ACAD11: variants seen among roughly 807,000 people sequenced by gnomAD.
ACAD11 encodes acyl-Coenzyme A dehydrogenase family, member 11.
A neutral mutation model predicts 102.2 loss-of-function variants in ACAD11; 83 were observed. The ratio of observed to expected loss-of-function variants is 0.81; its 90% CI spans 0.68 to 0.97. The LOEUF (loss-of-function observed/expected upper bound fraction) is 0.97, where lower values mean the gene tolerates loss of function less well. ACAD11 is among the 50% of genes least tolerant of loss of function. The pLI is 0.00. For synonymous variants in ACAD11, 324 were observed against 319.8 expected, an observed-to-expected ratio of 1.01 and a Z score of -0.14; for missense variants, 901 against 951.7, an observed-to-expected ratio of 0.95 and a Z score of 0.70.
chr3:132,582,256 T>A (rs1182412538), intron 13 of ACAD11, among the ~76,000 whole-genome samples: 1 of 151,572 alleles, frequency 6.6e-6, no homozygotes, highest in Non-Finnish European at 1.5e-5. Context: ...ATGGATACTG[T>A]CTAAAATGAA....
At chr3:132,601,071 G>T (rs751778014) in intron 13 of ACAD11, 1 of 1,613,814 alleles carries the variant, frequency 6.2e-7, no homozygotes, top group African/African-American at 1.3e-5. Context: ...ATCACAGCAA[G>T]GACACTCATG....
intron 2 of ACAD11, among the ~76,000 whole-genome samples, chr3:132,644,243 C>G (rs1394749221): frequency 6.6e-6 from 1 of 152,094 alleles, no homozygotes; most frequent in African/African-American, 2.4e-5. Context: ...ATTTCTGTCC[C>G]CTCCTGTTCT....
chr3:132,622,529 T>G (rs996731508), intron 9 of ACAD11, among the ~76,000 whole-genome samples: 1 of 152,184 alleles, frequency 6.6e-6, no homozygotes, highest in Non-Finnish European at 1.5e-5. Flanking sequence ...GAAATTAAAT[T>G]ATGCCAGTGT....
In ACAD11 at chr3:132,659,809, T is replaced by C; in HGVS notation, c.-58A>G. 1 of 1,527,762 alleles carries C rather than the reference T, an allele frequency of 6.5e-7. No homozygotes were observed. The highest frequency in any genetic ancestry group is 8.8e-7 in the Non-Finnish European group (1 of 1,139,328). The allele number at this position is 1,527,762 out of a possible 1,614,324, so 94.6% of individuals were successfully genotyped here. ...CCACAGGTCTCGAGTGCCGAAGTCC[T>C]TCAGGATTGGGGCAACGTCCCCTCT... On this transcript the variant is annotated 5_prime_UTR_variant, in exon 1 of 20. Coordinates refer to ENST00000264990, the MANE Select transcript of ACAD11 (RefSeq NM_032169.5).
At chr3:132,603,458 G>A in intron 12 of ACAD11, 131 bp from the exon 13 acceptor site, 1 of 704,172 alleles carries the variant, frequency 1.4e-6, no homozygotes, top group Non-Finnish European at 2.4e-6. Context: ...ATTCCACCCT[G>A]CTTTTCCCAT....
At position 132,641,964 on chromosome 3, in the gene ACAD11, T is replaced by A; in HGVS notation, c.537+8A>T. ...TGAAAAAAATAGCTATTAATGTGGA[T>A]GCATTACCTGTCTTTTGCAGTACCC... On this transcript the variant is annotated splice_region_variant and intron_variant, in intron 4 of 19. Transcript: ENST00000264990. The A allele has an allele frequency of 6.3e-7, 1 of 1,593,190 alleles. No individual in the cohort carries two copies. Among genetic ancestry groups the A allele is most frequent in the Non-Finnish European group, 8.6e-7 (1 of 1,167,368 alleles).
At chr3:132,636,159 G>C (rs1940267617) in intron 5 of ACAD11, among the ~76,000 whole-genome samples, 2 of 152,112 alleles carry the variant, frequency 1.3e-5, no homozygotes, top group Non-Finnish European at 2.9e-5. Context: ...GCATAAATTA[G>C]TGCAAATTAA....
At chr3:132,632,178 G>T (rs1940071360) in intron 5 of ACAD11, among the ~76,000 whole-genome samples, 1 of 151,610 alleles carries the variant, frequency 6.6e-6, no homozygotes, top group Non-Finnish European at 1.5e-5. Context: ...CCGCCTCCCG[G>T]GTTCACACCA....
chr3:132,616,796 T>C lies in ACAD11; in HGVS notation c.1414+1838A>G, dbSNP rs139861677. On this transcript the variant is annotated intron_variant, in intron 11 of 19. Transcript: ENST00000264990. Reference sequence around the variant, plus strand: ...GTTGAGATGAAATCTTTAGAAGCTCTGTGAATAGACTTTAATTTTACAGTA... The same window carrying C: ...GTTGAGATGAAATCTTTAGAAGCTCCGTGAATAGACTTTAATTTTACAGTA... Among the ~76,000 whole-genome samples, 43 of 152,352 alleles carry C rather than the reference T, an allele frequency of 2.8e-4. No homozygotes were observed. The East Asian group carries it at 7.7e-3, about 27-fold the overall frequency.
In ACAD11 at chr3:132,639,589, G is replaced by C. The variant is rs369659108; in HGVS notation, c.605C>G (p.Ser202Trp). The change falls in exon 5 of 20, where the codon TCG (serine) becomes TGG (tryptophan). Residue 202 changes from serine to tryptophan, a missense_variant. Ser to Trp is a radical substitution (Grantham distance 177). Transcript: ENST00000264990. ...HQDIPAMQQL[S>W]EWLMKNLPDN... is the part of the protein sequence containing the mutation. ...GGGCAAGTTCTTCATTAGCCACTCC[G>C]ATAGCTGTTGCATGGCAGGGATGTC... The C allele has an allele frequency of 1.4e-5, 22 of 1,613,520 alleles. No homozygotes were observed. The African/African-American group carries it at 2.7e-4, about 20-fold the overall frequency.
intron 1 of ACAD11, among the ~76,000 whole-genome samples, chr3:132,658,882 G>A (rs1404383138): frequency 6.6e-6 from 1 of 152,060 alleles, no homozygotes; most frequent in Non-Finnish European, 1.5e-5. Flanking sequence ...TACAACTTAG[G>A]AAACTAGTTC....
chr3:132,589,992 G>C (rs1938008583), intron 13 of ACAD11, among the ~76,000 whole-genome samples: 1 of 152,138 alleles, frequency 6.6e-6, no homozygotes, highest in African/African-American at 2.4e-5. Context: ...ATTTGCTAAG[G>C]ATAATAGCCT....
At chr3:132,566,134 A>G (rs566690427) in intron 17 of ACAD11, among the ~76,000 whole-genome samples, 5 of 152,236 alleles carry the variant, frequency 3.3e-5, no homozygotes, top group African/African-American at 1.2e-4. Context: ...TGTAAAGAAA[A>G]ACCAAATGGG....
chr3:132,601,749 G>C (rs1205559649), intron 13 of ACAD11: 1 of 415,196 alleles, frequency 2.4e-6, no homozygotes. Context: ...CTTGGTTGCA[G>C]TGGTGCTTAT....
chr3:132,638,531 T>G (rs1398127353), intron 5 of ACAD11, among the ~76,000 whole-genome samples: 1 of 152,114 alleles, frequency 6.6e-6, no homozygotes, highest in Non-Finnish European at 1.5e-5. Flanking sequence ...CAACATAGAT[T>G]CATCAGAATC....
intron 17 of ACAD11, among the ~76,000 whole-genome samples, chr3:132,572,876 G>C (rs1937421601): frequency 6.6e-6 from 1 of 152,014 alleles, no homozygotes; most frequent in Non-Finnish European, 1.5e-5. Context: ...TTACATCTTA[G>C]CCATTTTTTT....
intron 11 of ACAD11, among the ~76,000 whole-genome samples, chr3:132,613,078 G>C (rs1939231532): frequency 6.6e-6 from 1 of 151,954 alleles, no homozygotes; most frequent in Admixed American, 6.6e-5. Context: ...CCTTTGTAGG[G>C]ACATGGATAA....
intron 2 of ACAD11, among the ~76,000 whole-genome samples, chr3:132,643,959 C>T (rs544036216): frequency 1.4e-4 from 22 of 151,870 alleles, no homozygotes; most frequent in African/African-American, 4.6e-4. Context: ...TATTGGGGCA[C>T]GGGTGGGGAT....
chr3:132,631,190 AAAAT>A (rs1443073189), intron 6 of ACAD11, 147 bp downstream of exon 6: 3 of 450,268 alleles, frequency 6.7e-6, no homozygotes, highest in African/African-American at 4.1e-5. Context: ...CTTCAACAAA[AAAAT>A]AAAATAAAAA....
Sources: gnomAD v4.1 joint callset for allele counts (sites outside exome capture counted in the v4.1 genomes callset) on GRCh38, gnomAD v4.1.1 for gene constraint, MANE v1.5 for transcripts, NCBI Gene and HGNC (gene_info 2026-07-23, HGNC 2026-07-21) for gene names.